The following ERCC6L2 variants were observed in gnomAD, a reference collection of about 807,000 sequenced individuals.
ERCC6L2 encodes ERCC excision repair 6 like 2.
ERCC6L2 carries 77 observed loss-of-function variants against 132.0 expected under a neutral mutation model. The observed-to-expected ratio is 0.58, with a 90% CI of 0.49 to 0.71. ERCC6L2 has a LOEUF of 0.71. Ranked by LOEUF, ERCC6L2 falls within the 30% of genes least tolerant of loss-of-function variation. The pLI is 0.00. For synonymous variants in ERCC6L2, 583 were observed against 632.4 expected, an observed-to-expected ratio of 0.92 and a Z score of 1.17; for missense variants, 1,542 against 1,837.6, an observed-to-expected ratio of 0.84 and a Z score of 2.94.
chr9:96,035,552 C>T (rs1242479020), intron 19 of ERCC6L2, among the ~76,000 whole-genome samples: 1 of 152,172 alleles, frequency 6.6e-6, no homozygotes, highest in African/African-American at 2.4e-5. Flanking sequence ...CAGAGAGGAG[C>T]TACCCTCTCC....
intron 13 of ERCC6L2, among the ~76,000 whole-genome samples, chr9:95,957,325 C>T (rs922536878): frequency 2.6e-5 from 4 of 151,580 alleles, no homozygotes; most frequent in African/African-American, 7.3e-5. Context: ...TAAATTTATG[C>T]TATTTTCTTC....
rs1205539824 is a variant in ERCC6L2, at chr9:96,013,221, T to C, written c.*18T>C. Reference sequence around the variant, plus strand: ...CCACATAAGCATATAAATGAATTACTGCACCAGTAAACTGCTGCCATCACT... The same window carrying C: ...CCACATAAGCATATAAATGAATTACCGCACCAGTAAACTGCTGCCATCACT... On this transcript the variant is annotated 3_prime_UTR_variant, in exon 19 of 19. Transcript: ENST00000653738. The C allele has an allele frequency of 7.5e-7, 1 of 1,335,232 alleles. No homozygotes were observed. The highest frequency in any genetic ancestry group is 4.6e-5 in the East Asian group (1 of 21,792). The allele number at this position is 1,335,232 out of a possible 1,614,324, so 82.7% of individuals were successfully genotyped here. A position where few individuals can be genotyped will look rare whatever the true frequency, so the allele number is the denominator to read the frequency against.
chr9:95,902,711 G>T (rs1290334848), intron 3 of ERCC6L2, among the ~76,000 whole-genome samples: 1 of 151,986 alleles, frequency 6.6e-6, no homozygotes, highest in Non-Finnish European at 1.5e-5. Context: ...TTTGCACTAG[G>T]TATTAGCAAA....
In ERCC6L2 at chr9:96,012,285, A is replaced by C; in HGVS notation, c.3735A>C (p.Lys1245Asn). The C allele has an allele frequency of 7.5e-7, 1 of 1,328,442 alleles. No individual in the cohort carries two copies. The highest frequency in any genetic ancestry group is 1.0e-6 in the Non-Finnish European group (1 of 997,542). The allele number at this position is 1,328,442 out of a possible 1,614,324, so 82.3% of individuals were successfully genotyped here. Residue 1245 changes from lysine to asparagine, a missense_variant, in exon 19 of 19, where the codon AAA becomes AAC. By Grantham distance (94) the Lys-to-Asn change is moderately conservative. Coordinates refer to ENST00000653738, the MANE Select transcript of ERCC6L2 (RefSeq NM_020207.7). Reference protein sequence around the residue: ...FNSSSVNEFAKHITNATSEER... With the variant: ...FNSSSVNEFANHITNATSEER... Reference sequence around the variant, plus strand: ...CGTCTTCTGTAAACGAATTTGCTAAACATATAACCAATGCCACATCAGAAG... The same window carrying C: ...CGTCTTCTGTAAACGAATTTGCTAACCATATAACCAATGCCACATCAGAAG...
intron 17 of ERCC6L2, among the ~76,000 whole-genome samples, chr9:95,984,234 ATG>A (rs1833004806): frequency 6.7e-6 from 1 of 149,194 alleles, no homozygotes; most frequent in African/African-American, 2.4e-5. Context: ...TATATTATAT[ATG>A]TTATATATGT....
At chr9:96,027,252 G>A (rs997354934) in intron 19 of ERCC6L2, among the ~76,000 whole-genome samples, 1 of 151,536 alleles carries the variant, frequency 6.6e-6, no homozygotes, top group Non-Finnish European at 1.5e-5. Context: ...CCCCCCTCCC[G>A]CCTCCTGTGT....
Position 95,928,090 on chromosome 9 carries a change from G to C in ERCC6L2, c.1545G>C (p.Gln515His). The C allele has an allele frequency of 6.2e-7, 1 of 1,612,704 alleles. No homozygotes were observed. The highest frequency in any genetic ancestry group is 8.5e-7 in the Non-Finnish European group (1 of 1,179,098). ...KYSGKMKVLQ[Q>H]LLNHCRKNRD... ...TGGTTCATTTTCAGGTCCTTCAGCA[G>C]CTTTTAAATCATTGCAGGAAAAACA... is the stretch of plus-strand genomic sequence containing the variant. Residue 515 changes from glutamine to histidine, a missense_variant, in exon 10 of 19, where the codon CAG becomes CAC. This residue lies in a region of ERCC6L2 where 945 missense variants were observed against 1,105.2 expected (regional missense o/e 0.86). Coordinates refer to ENST00000653738, the MANE Select transcript of ERCC6L2 (RefSeq NM_020207.7).
At chr9:95,940,236 C>T (rs754737769) in intron 11 of ERCC6L2, among the ~76,000 whole-genome samples, 11 of 152,120 alleles carry the variant, frequency 7.2e-5, no homozygotes, top group Non-Finnish European at 1.6e-4. Context: ...CAGATTGTTC[C>T]TTGGTGTTTG....
intron 19 of ERCC6L2, among the ~76,000 whole-genome samples, chr9:96,032,117 G>T (rs1164707615): frequency 6.6e-6 from 1 of 152,050 alleles, no homozygotes; most frequent in Admixed American, 6.5e-5. Context: ...CTGTGGCTGG[G>T]TATCCCCGGC....
chr9:95,928,225 C>CATTTTTTA, intron 10 of ERCC6L2, 75 bp downstream of exon 10: 1 of 948,390 alleles, frequency 1.1e-6, no homozygotes, highest in South Asian at 1.5e-5. Context: ...CATATGCCTA[C>CATTTTTTA]ATGACACCTT....
intron 6 of ERCC6L2, 126 bp downstream of exon 6, chr9:95,916,560 A>G: frequency 1.4e-6 from 1 of 702,624 alleles, no homozygotes; most frequent in Non-Finnish European, 2.2e-6. Flanking sequence ...GTATGGAAAA[A>G]ATTGTTGCGC....
chr9:95,907,856 C>CACACACACACACACACACACACACA, intron 4 of ERCC6L2, among the ~76,000 whole-genome samples: 1 of 145,926 alleles, frequency 6.9e-6, no homozygotes, highest in South Asian at 2.2e-4. Flanking sequence ...CACACACACA[C>CACACACACACACACACACACACACA]CCCCACACCC....
intron 4 of ERCC6L2, among the ~76,000 whole-genome samples, chr9:95,914,041 A>C (rs1829464159): frequency 6.6e-6 from 1 of 152,216 alleles, no homozygotes; most frequent in African/African-American, 2.4e-5. Context: ...TCTTATGCTA[A>C]GTATATGTTT....
chr9:95,975,471 C>CTTTTTTTTTT (rs572855007), intron 16 of ERCC6L2, among the ~76,000 whole-genome samples: 1 of 111,280 alleles, frequency 9.0e-6, no homozygotes, highest in Non-Finnish European at 1.9e-5. Flanking sequence ...ATTATATGTT[C>CTTTTTTTTTT]TTTTTTTTTT....
intron 1 of ERCC6L2, 56 bp downstream of exon 1, chr9:95,876,140 A>T: frequency 6.7e-6 from 10 of 1,498,342 alleles, no homozygotes; most frequent in Non-Finnish European, 9.1e-6. Context: ...GTCGCGTTGG[A>T]CCAGTTCTTG....
At position 95,907,104 on chromosome 9, in the gene ERCC6L2, TG is replaced by T; in HGVS notation, c.622del (p.Val208SerfsTer29). The T allele has an allele frequency of 1.2e-6, 2 of 1,609,854 alleles. No homozygotes were observed. Among genetic ancestry groups the T allele is most frequent in the Non-Finnish European group, 1.7e-6 (2 of 1,178,938 alleles). On this transcript the variant is annotated frameshift_variant, in exon 4 of 19. Coordinates refer to ENST00000653738, the MANE Select transcript of ERCC6L2 (RefSeq NM_020207.7). LOFTEE classifies it high-confidence loss of function. Reference protein sequence around the residue: ...KMFLIVAPLSVLYNWKDELDT... With the variant: ...KMFLIVAPLSXLYNWKDELDT... ...TGTTCTTAATAGTTGCTCCTCTTTC[TG>T]TCCTCTACAACTGGAAGGATGAATT...
chr9:95,902,622 A>T (rs2132634525), intron 3 of ERCC6L2, among the ~76,000 whole-genome samples: 1 of 152,130 alleles, frequency 6.6e-6, no homozygotes, highest in South Asian at 2.1e-4. Flanking sequence ...GATTTAGGGG[A>T]TTACTTTTTG....
chr9:96,039,498 A>C (rs1489382557), intron 20 of ERCC6L2, among the ~76,000 whole-genome samples: 1 of 152,118 alleles, frequency 6.6e-6, no homozygotes, highest in Admixed American at 6.6e-5. Context: ...GGGGAGGGTC[A>C]GTAGAGTCGT....
chr9:95,889,239 G>A (rs925765777), intron 2 of ERCC6L2, among the ~76,000 whole-genome samples: 4 of 152,076 alleles, frequency 2.6e-5, no homozygotes, highest in African/African-American at 7.2e-5. Context: ...AATTAAGATC[G>A]TATATCACCT....
Sources: allele counts gnomAD v4.1 joint callset (sites outside exome capture counted in the v4.1 genomes callset), GRCh38; gene constraint gnomAD v4.1.1; regional missense constraint gnomAD v4.1.1; transcripts MANE v1.5; gene names NCBI Gene and HGNC (gene_info 2026-07-23, HGNC 2026-07-21).